DCLK1: variants seen among roughly 807,000 people sequenced by gnomAD.
DCLK1 encodes doublecortin like kinase 1.
In DCLK1, 16 loss-of-function variants were observed where a neutral mutation model predicts 86.2. That is an observed-to-expected ratio of 0.19 (90% CI 0.13 to 0.28). The LOEUF is 0.28. Ranked by LOEUF, DCLK1 falls within the 10% of genes least tolerant of loss-of-function variation. The pLI, the probability that DCLK1 is intolerant of heterozygous loss-of-function variation, is 1.00. For synonymous variants in DCLK1, 369 were observed against 370.5 expected, an observed-to-expected ratio of 1.00 and a Z score of 0.05; for missense variants, 590 against 940.2, an observed-to-expected ratio of 0.63 and a Z score of 4.87.
intron 4 of DCLK1, among the ~76,000 whole-genome samples, chr13:35,886,717 A>G (rs1205856064): frequency 6.6e-6 from 1 of 152,232 alleles, no homozygotes; most frequent in Admixed American, 6.5e-5. Flanking sequence ...AACTCAGTAC[A>G]TGAACCAGAC....
rs1872252129 is a variant in DCLK1 at position 35,871,208 on chromosome 13, C to G, written c.940+16G>C. Reference sequence around the variant, plus strand: ...GGAACAAGGCAATTTCTTCAAAATCCCCTCTGCTGCTTTACCTGAGCTGGT... The same window carrying G: ...GGAACAAGGCAATTTCTTCAAAATCGCCTCTGCTGCTTTACCTGAGCTGGT... On this transcript the variant is annotated intron_variant, in intron 5 of 16. Transcript: ENST00000360631. 6.2e-7 allele frequency: 1 copy of G among 1,603,360 alleles called. No homozygotes were observed. Among genetic ancestry groups the G allele is most frequent in the African/African-American group, 1.3e-5 (1 of 74,686 alleles).
chr13:36,054,450 C>T (rs1000504225), intron 3 of DCLK1, among the ~76,000 whole-genome samples: 2 of 152,196 alleles, frequency 1.3e-5, no homozygotes, highest in Non-Finnish European at 2.9e-5. Context: ...ATCTCAGGAC[C>T]TTCACAACAT....
chr13:36,048,308 C>T (rs993403215), intron 3 of DCLK1, among the ~76,000 whole-genome samples: 1 of 152,062 alleles, frequency 6.6e-6, no homozygotes, highest in Non-Finnish European at 1.5e-5. Context: ...AAAGAAACAA[C>T]TAAAACAGTA....
At chr13:35,853,425 A>C (rs1173881428) in intron 6 of DCLK1, among the ~76,000 whole-genome samples, 1 of 152,182 alleles carries the variant, frequency 6.6e-6, no homozygotes, top group African/African-American at 2.4e-5. Flanking sequence ...GTGAAGAAAG[A>C]TAACCAAACT....
At position 35,831,394 on chromosome 13, in the gene DCLK1, T is replaced by C. The variant is rs79099134; in HGVS notation, c.1230-3087A>G. On this transcript the variant is annotated intron_variant, in intron 8 of 16. Coordinates refer to ENST00000360631, the MANE Select transcript of DCLK1 (RefSeq NM_001330071.2). ...AAAACAGGTGTTAGGAGACTAAATG[T>C]GTGTCATAAGAATAAGAATATAAGT... Among the ~76,000 whole-genome samples the C allele has an allele frequency of 2.8e-3, 434 of 152,288 alleles. 2 individuals carry two copies. The highest frequency in any genetic ancestry group is 9.6e-3 in the African/African-American group (398 of 41,548).
chr13:35,817,556 C>T (rs1289022157), intron 11 of DCLK1, among the ~76,000 whole-genome samples: 4 of 152,086 alleles, frequency 2.6e-5, no homozygotes, highest in African/African-American at 9.7e-5. Flanking sequence ...ATTTTAGTTC[C>T]ATGCTGTCAT....
In DCLK1 at chr13:35,770,639, C is replaced by T. The variant is rs957436545; in HGVS notation, c.*3896G>A. ...TTGGGCAAAAAAAAATATCATGTAG[C>T]AGTTAAAAAAATTATTGACTTACAA... On this transcript the variant is annotated 3_prime_UTR_variant, in exon 17 of 17. Coordinates refer to ENST00000360631, the MANE Select transcript of DCLK1 (RefSeq NM_001330071.2). The T allele has an allele frequency of 1.3e-5, 2 of 152,092 alleles. No individual in the cohort carries two copies. The highest frequency in any genetic ancestry group is 4.8e-5 in the African/African-American group (2 of 41,422). 9.4% of individuals were successfully genotyped at this position (152,092 alleles called of 1,614,324 possible).
chr13:35,793,298 T>G, intron 16 of DCLK1, 68 bp downstream of exon 16: 1 of 1,263,310 alleles, frequency 7.9e-7, no homozygotes. Context: ...GAGAATCTCC[T>G]GAGTAATGCC....
At chr13:35,979,363 T>G (rs1455108668) in intron 3 of DCLK1, among the ~76,000 whole-genome samples, 1 of 152,132 alleles carries the variant, frequency 6.6e-6, no homozygotes, top group African/African-American at 2.4e-5. Context: ...TGCATGGGGT[T>G]CAGAACTGAG....
At position 36,128,232 on chromosome 13, in the gene DCLK1, C is replaced by T. The variant is rs142627376; in HGVS notation, c.-19-2076G>A. On this transcript the variant is annotated intron_variant, in intron 1 of 16. Coordinates refer to ENST00000360631, the MANE Select transcript of DCLK1 (RefSeq NM_001330071.2). ...GGAGGTACCTGACACTATTACTCAT[C>T]AACCAGTTGTATAATATGCTAAAAA... 8.5e-5 allele frequency among the ~76,000 whole-genome samples: 13 copies of T among 152,292 alleles called. No homozygotes were observed. The East Asian group carries it at 2.5e-3, about 29-fold the overall frequency.
chr13:36,072,978 A>C (rs1024119555), intron 3 of DCLK1, among the ~76,000 whole-genome samples: 6 of 152,204 alleles, frequency 3.9e-5, no homozygotes, highest in African/African-American at 1.4e-4. Flanking sequence ...GGGATATCTC[A>C]CCTCAAATCA....
At chr13:36,015,893 C>T (rs548425720) in intron 3 of DCLK1, among the ~76,000 whole-genome samples, 8 of 152,158 alleles carry the variant, frequency 5.3e-5, no homozygotes, top group Admixed American at 2.6e-4. Flanking sequence ...GTCCTCATGA[C>T]CATATTTATT....
At chr13:36,060,239 T>G (rs1398119217) in intron 3 of DCLK1, among the ~76,000 whole-genome samples, 1 of 152,188 alleles carries the variant, frequency 6.6e-6, no homozygotes, top group Non-Finnish European at 1.5e-5. Flanking sequence ...GAACATGTGT[T>G]TTTGGTCTAA....
chr13:36,054,404 G>C (rs1299160195), intron 3 of DCLK1, among the ~76,000 whole-genome samples: 1 of 152,148 alleles, frequency 6.6e-6, no homozygotes, highest in Non-Finnish European at 1.5e-5. Flanking sequence ...CCATGAAAAT[G>C]TGACAGTCTA....
chr13:35,935,585 G>C (rs1306884107), intron 4 of DCLK1, among the ~76,000 whole-genome samples: 1 of 152,134 alleles, frequency 6.6e-6, no homozygotes, highest in Non-Finnish European at 1.5e-5. Context: ...AAGCTGACCA[G>C]GTAGATGATG....
chr13:35,965,339 G>A (rs747815803), intron 3 of DCLK1, among the ~76,000 whole-genome samples: 1 of 152,162 alleles, frequency 6.6e-6, no homozygotes, highest in Non-Finnish European at 1.5e-5. Flanking sequence ...TATAGGACCA[G>A]TCAGTCCAAA....
At chr13:36,114,590 T>C (rs1885718017) in intron 2 of DCLK1, among the ~76,000 whole-genome samples, 1 of 152,254 alleles carries the variant, frequency 6.6e-6, no homozygotes, top group Admixed American at 6.5e-5. Context: ...TTGATTTCCT[T>C]ATGCTAATAC....
chr13:35,895,750 AAAAC>A (rs1161729591), intron 4 of DCLK1, among the ~76,000 whole-genome samples: 3 of 151,774 alleles, frequency 2.0e-5, no homozygotes, highest in East Asian at 3.9e-4. Context: ...ATAGCAAAAA[AAAAC>A]AAAACAAAAC....
At chr13:35,882,819 G>C (rs1369985564) in intron 4 of DCLK1, among the ~76,000 whole-genome samples, 1 of 152,174 alleles carries the variant, frequency 6.6e-6, no homozygotes, top group Non-Finnish European at 1.5e-5. Flanking sequence ...ATACTGTAGT[G>C]TATCAGTTGA....
Sources: allele counts gnomAD v4.1 joint callset (sites outside exome capture counted in the v4.1 genomes callset), GRCh38; gene constraint gnomAD v4.1.1; transcripts MANE v1.5; gene names NCBI Gene and HGNC (gene_info 2026-07-23, HGNC 2026-07-21).